Variants in BCAS3 observed in about 807,000 individuals in gnomAD.
The protein encoded by BCAS3 is BCAS4/BCAS3 fusion.
A neutral mutation model predicts 116.1 loss-of-function variants in BCAS3; 53 were observed. The observed-to-expected ratio is 0.46, with a 90% CI of 0.37 to 0.57. BCAS3 has a LOEUF of 0.57. Ranked by LOEUF, BCAS3 falls within the 20% of genes least tolerant of loss-of-function variation. The pLI is 0.00. For missense variants in BCAS3, 917 were observed against 1,165.4 expected (o/e 0.79, Z 3.10); for synonymous variants, 391 against 408.2 (o/e 0.96, Z 0.51).
chr17:60,805,736 G>C (rs1268305909), intron 6 of BCAS3, among the ~76,000 whole-genome samples: 1 of 151,870 alleles, frequency 6.6e-6, no homozygotes, highest in Non-Finnish European at 1.5e-5. Context: ...GCTGAGGCAG[G>C]AGAATAGCTC....
chr17:60,860,084 A>C (rs1780361775), intron 7 of BCAS3, among the ~76,000 whole-genome samples: 1 of 152,204 alleles, frequency 6.6e-6, no homozygotes, highest in African/African-American at 2.4e-5. Context: ...ACTGCTATCC[A>C]CGGTGGCTGA....
chr17:60,774,374 A>G (rs542102272), intron 6 of BCAS3, among the ~76,000 whole-genome samples: 7 of 152,348 alleles, frequency 4.6e-5, no homozygotes, highest in African/African-American at 9.6e-5. Flanking sequence ...CCTCTCCTTG[A>G]ATAAATGGAA....
chr17:61,234,014 A>C (rs1779734537), intron 22 of BCAS3, among the ~76,000 whole-genome samples: 1 of 151,444 alleles, frequency 6.6e-6, no homozygotes. Context: ...CACATCATGG[A>C]GCAAAAAAAG....
chr17:60,709,364 C>G, intron 5 of BCAS3, 39 bp downstream of exon 5: 1 of 1,190,580 alleles, frequency 8.4e-7, no homozygotes, highest in Non-Finnish European at 1.2e-6. Context: ...AACATACTTC[C>G]CAGCATGTTA....
chr17:61,038,069 CT>C lies in BCAS3; in HGVS notation c.1928+22del. ...ACTCTGGTTAGGTAGTACCTCTTTT[CT>C]TTTTTTCTTTTTAACAGCTTCATTA... On this transcript the variant is annotated intron_variant, in intron 18 of 23. Transcript: ENST00000407086. 6.2e-7 allele frequency: 1 copy of C among 1,601,618 alleles called. No individual in the cohort carries two copies. The highest frequency in any genetic ancestry group is 1.1e-5 in the South Asian group (1 of 89,236).
chr17:61,007,998 G>T lies in BCAS3; in HGVS notation c.1487-7753G>T, dbSNP rs1445855061. Among the ~76,000 whole-genome samples the T allele has an allele frequency of 6.6e-6, 1 of 151,920 alleles. No homozygotes were observed. The highest frequency in any genetic ancestry group is 1.5e-5 in the Non-Finnish European group (1 of 67,962). ...TCTGTCTTTATTTGTCACCCAAACTGTTTGTTGTGTTTATAGTCTTTAAAA... is the reference window on the plus strand; with the variant it reads ...TCTGTCTTTATTTGTCACCCAAACTTTTTGTTGTGTTTATAGTCTTTAAAA... On this transcript the variant is annotated intron_variant, in intron 15 of 23. Transcript: ENST00000407086. This position sits in a 1 kb window ranked among gnomAD's most constrained non-coding sequence, Gnocchi z 4.3.
chr17:60,972,311 T>G (rs746105816), intron 14 of BCAS3, among the ~76,000 whole-genome samples: 10 of 152,056 alleles, frequency 6.6e-5, no homozygotes, highest in Non-Finnish European at 1.3e-4. Flanking sequence ...TGGACTAGCG[T>G]TTTTAATGTG....
chr17:61,122,529 T>C lies in BCAS3; in HGVS notation c.2425+37965T>C, dbSNP rs2075837369. On this transcript the variant is annotated intron_variant, in intron 22 of 23. Coordinates refer to ENST00000407086, the MANE Select transcript of BCAS3 (RefSeq NM_017679.5). This position sits in a 1 kb window ranked among gnomAD's most constrained non-coding sequence, Gnocchi z 4.6. ...CTCTGAGTACATGCATTTTCACACATCTGCTAATGCAAAAGCCCCGTGTGA... is the reference window on the plus strand; with the variant it reads ...CTCTGAGTACATGCATTTTCACACACCTGCTAATGCAAAAGCCCCGTGTGA... 6.6e-6 allele frequency among the ~76,000 whole-genome samples: 1 copy of C among 152,188 alleles called. No homozygotes were observed. The highest frequency in any genetic ancestry group is 6.5e-5 in the Admixed American group (1 of 15,272).
intron 7 of BCAS3, chr17:60,810,838 C>T (rs748345175): frequency 1.4e-6 from 1 of 698,666 alleles, no homozygotes; most frequent in Non-Finnish European, 2.6e-6. Context: ...AAAAGTCCTA[C>T]AAGCCCAGAC....
chr17:61,086,617 T>C (rs1357958004), intron 22 of BCAS3: 31 of 906,658 alleles, frequency 3.4e-5, no homozygotes, highest in Non-Finnish European at 4.1e-5. Flanking sequence ...TTCGATGGCA[T>C]TGACCCTCTC....
Position 61,087,565 on chromosome 17 carries a change from T to A in BCAS3, c.2425+3001T>A, listed in dbSNP as rs1262444665. ...TCTATGTATTAATCCAACAACGTTA[T>A]TCCATTGAAACTAAAAGAGGTGTGC... On this transcript the variant is annotated intron_variant, in intron 22 of 23. Transcript: ENST00000407086. The surrounding 1 kb of genome is among the most constrained non-coding windows in gnomAD (Gnocchi z 4.6). 1 of 152,272 alleles carries A rather than the reference T, an allele frequency of 6.6e-6. No homozygotes were observed. Among genetic ancestry groups the A allele is most frequent in the Non-Finnish European group, 1.5e-5 (1 of 68,060 alleles). The allele number at this position is 152,272 out of a possible 1,614,324, so 9.4% of individuals were successfully genotyped here.
intron 7 of BCAS3, among the ~76,000 whole-genome samples, chr17:60,838,433 G>A (rs2051568536): frequency 6.6e-6 from 1 of 151,666 alleles, no homozygotes; most frequent in African/African-American, 2.4e-5. Flanking sequence ...GAGTGAAGAG[G>A]GAGTAGTGGG....
At chr17:61,135,587 GT>G (rs1457344102) in intron 22 of BCAS3, among the ~76,000 whole-genome samples, 1 of 152,174 alleles carries the variant, frequency 6.6e-6, no homozygotes, top group Non-Finnish European at 1.5e-5. Context: ...TTGAGGTCCT[GT>G]GTGTACATCA....
intron 7 of BCAS3, among the ~76,000 whole-genome samples, chr17:60,850,837 C>CA (rs1041191840): frequency 6.6e-6 from 1 of 152,030 alleles, no homozygotes; most frequent in East Asian, 1.9e-4. Context: ...AGTAAAACAA[C>CA]AAAATACTGA....
At chr17:61,212,981 A>G (rs980248673) in intron 22 of BCAS3, among the ~76,000 whole-genome samples, 2 of 151,924 alleles carry the variant, frequency 1.3e-5, no homozygotes, top group Admixed American at 1.3e-4. Context: ...CTTTTTCATT[A>G]TATTGTACAT....
At chr17:60,810,643 G>A in intron 7 of BCAS3, 1 of 681,884 alleles carries the variant, frequency 1.5e-6, no homozygotes. Context: ...TGCCTGTGTT[G>A]CTGCTGATGA....
chr17:61,324,822 G>GAAA lies in BCAS3; in HGVS notation c.2426-43492_2426-43490dup, dbSNP rs552000873. Among the ~76,000 whole-genome samples the GAAA allele has an allele frequency of 8.0e-6, 1 of 124,778 alleles. No individual in the cohort carries two copies. Among genetic ancestry groups the GAAA allele is most frequent in the African/African-American group, 2.8e-5 (1 of 35,264 alleles). 81.9% of individuals were successfully genotyped at this position (124,778 alleles called of 152,430 possible). ...CAACCTAGTGAGACCTCATCTCTAT[G>GAAA]AAAAAAAAAAAAAAAGAAGAAACAA... is the stretch of plus-strand genomic sequence containing the variant. On this transcript the variant is annotated intron_variant, in intron 22 of 23. Coordinates refer to ENST00000407086, the MANE Select transcript of BCAS3 (RefSeq NM_017679.5). This position sits in a 1 kb window ranked among gnomAD's most constrained non-coding sequence, Gnocchi z 4.6.
In BCAS3 at chr17:61,380,646, T is replaced by G. The variant is rs548829586; in HGVS notation, c.2594-11331T>G. The G allele has an allele frequency of 1.4e-6, 2 of 1,417,032 alleles. No homozygotes were observed. The highest frequency in any genetic ancestry group is 2.4e-5 in the South Asian group (2 of 84,144). The allele number at this position is 1,417,032 out of a possible 1,614,324, so 87.8% of individuals were successfully genotyped here. Reference sequence around the variant, plus strand: ...TCTTTTGTCCCTCAAGAGGGTGCCCTCCTACCCCCTCGTGCCCAGGCCCAG... The same window carrying G: ...TCTTTTGTCCCTCAAGAGGGTGCCCGCCTACCCCCTCGTGCCCAGGCCCAG... On this transcript the variant is annotated intron_variant, in intron 23 of 23. Coordinates refer to ENST00000407086, the MANE Select transcript of BCAS3 (RefSeq NM_017679.5). This position sits in a 1 kb window ranked among gnomAD's most constrained non-coding sequence, Gnocchi z 4.2.
At position 61,021,776 on chromosome 17, in the gene BCAS3, C is replaced by T. The variant is rs1241132081; in HGVS notation, c.1637+5875C>T. ...GTTGATATTTGTAGACCAAATCTAC[C>T]ATCAGACTTGGCTATGTGAGTAAAT... On this transcript the variant is annotated intron_variant, in intron 16 of 23. Transcript: ENST00000407086. This position sits in a 1 kb window ranked among gnomAD's most constrained non-coding sequence, Gnocchi z 4.6. 6.6e-6 allele frequency among the ~76,000 whole-genome samples: 1 copy of T among 152,130 alleles called. No homozygotes were observed. The highest frequency in any genetic ancestry group is 1.5e-5 in the Non-Finnish European group (1 of 68,028).
Sources: allele counts gnomAD v4.1 joint callset (sites outside exome capture counted in the v4.1 genomes callset), GRCh38; gene constraint gnomAD v4.1.1; non-coding constraint Gnocchi (gnomAD v3.1); transcripts MANE v1.5; gene names NCBI Gene and HGNC (gene_info 2026-07-23, HGNC 2026-07-21).